The following RBM6 variants were observed in gnomAD, a reference collection of about 807,000 sequenced individuals.
The protein encoded by RBM6 is RNA binding motif protein 6.
A neutral mutation model predicts 140.4 loss-of-function variants in RBM6; 23 were observed. The observed-to-expected ratio is 0.16, with a 90% CI of 0.12 to 0.23. The LOEUF (loss-of-function observed/expected upper bound fraction) is 0.23. Ranked by LOEUF, RBM6 falls within the 10% of genes least tolerant of loss-of-function variation. The pLI is 1.00. For synonymous variants in RBM6, 439 were observed against 475.6 expected, an observed-to-expected ratio of 0.92 and a Z score of 1.00; for missense variants, 1,139 against 1,386.7, an observed-to-expected ratio of 0.82 and a Z score of 2.84.
At chr3:49,972,592 T>C (rs2084852247) in intron 4 of RBM6, among the ~76,000 whole-genome samples, 2 of 152,238 alleles carry the variant, frequency 1.3e-5, no homozygotes, top group Non-Finnish European at 1.5e-5. Context: ...GTGCTCGCTC[T>C]GTGCCAGGCA....
intron 8 of RBM6, 113 bp downstream of exon 8, chr3:50,054,508 CTT>C (rs373305597): frequency 0.017 from 11,920 of 697,914 alleles, no homozygotes; most frequent in East Asian, 0.022. Flanking sequence ...ATCTACAAAC[CTT>C]TTTTTTTTTT....
intron 6 of RBM6, among the ~76,000 whole-genome samples, chr3:50,010,911 A>AAT (rs1344984276): frequency 6.6e-6 from 1 of 151,088 alleles, no homozygotes; most frequent in African/African-American, 2.4e-5. Flanking sequence ...AAAAAAAAAA[A>AAT]AAAAAAAAAA....
chr3:50,029,028 A>G (rs1295538248), intron 6 of RBM6, among the ~76,000 whole-genome samples: 2 of 152,152 alleles, frequency 1.3e-5, no homozygotes, highest in African/African-American at 4.8e-5. Context: ...TGTTCATTTT[A>G]GCTTTCAAAT....
At chr3:50,051,903 A>C (rs2089482673) in intron 7 of RBM6, among the ~76,000 whole-genome samples, 1 of 152,210 alleles carries the variant, frequency 6.6e-6, no homozygotes, top group African/African-American at 2.4e-5. Flanking sequence ...AAGACCATAC[A>C]TTGCACAATT....
intron 19 of RBM6, among the ~76,000 whole-genome samples, chr3:50,072,417 A>AG (rs2090333492): frequency 1.3e-5 from 2 of 152,034 alleles, no homozygotes; most frequent in East Asian, 3.9e-4. Flanking sequence ...ATCAAAAAAA[A>AG]AAAAGAAAAG....
chr3:50,021,702 T>G (rs2108796076), intron 6 of RBM6, among the ~76,000 whole-genome samples: 1 of 150,438 alleles, frequency 6.6e-6, no homozygotes, highest in East Asian at 1.9e-4. Context: ...TTAAGAATCA[T>G]TTTGATATAT....
intron 5 of RBM6, among the ~76,000 whole-genome samples, chr3:49,993,278 A>G (rs1454435803): frequency 6.6e-6 from 1 of 152,216 alleles, no homozygotes; most frequent in African/African-American, 2.4e-5. Flanking sequence ...TAAAGCAAAA[A>G]ACAAACAAAT....
chr3:49,956,094 A>G (rs968426534), intron 1 of RBM6, among the ~76,000 whole-genome samples: 7 of 151,484 alleles, frequency 4.6e-5, no homozygotes, highest in African/African-American at 1.7e-4. Context: ...GCAGTGCCAC[A>G]ATCTCAGCTC....
At chr3:50,000,822 A>G (rs2108740418) in intron 6 of RBM6, among the ~76,000 whole-genome samples, 1 of 152,298 alleles carries the variant, frequency 6.6e-6, no homozygotes, top group South Asian at 2.1e-4. Context: ...TGTTTAACTC[A>G]GTGTGGCTCA....
chr3:50,058,018 A>C lies in RBM6; in HGVS notation c.1969+15A>C, dbSNP rs1256925922. 9 of 1,609,912 alleles carry C rather than the reference A, an allele frequency of 5.6e-6. No individual in the cohort carries two copies. The highest frequency in any genetic ancestry group is 7.6e-6 in the Non-Finnish European group (9 of 1,178,540). ...AGAGAGCAAAAGTAAGTAGTTTGTC[A>C]GGGCACATACCAGACTGTGATCATC... On this transcript the variant is annotated intron_variant, in intron 9 of 20. Coordinates refer to ENST00000266022, the MANE Select transcript of RBM6 (RefSeq NM_005777.3).
At chr3:50,047,267 G>A in intron 6 of RBM6, 1 of 985,272 alleles carries the variant, frequency 1.0e-6, no homozygotes, top group Non-Finnish European at 1.2e-6. Context: ...GAAACACAGA[G>A]GACCCTAGAG....
In RBM6 at chr3:50,077,184, T is replaced by A; in HGVS notation, c.*51T>A. 6.5e-7 allele frequency: 1 copy of A among 1,544,760 alleles called. No individual in the cohort carries two copies. On this transcript the variant is annotated 3_prime_UTR_variant, in exon 21 of 21. Transcript: ENST00000266022. ...CAACCTCCCTCTTGTTTTGTTTGTC[T>A]CTCCTTTTCTTTTGTTACTGTTCTT... is the stretch of plus-strand genomic sequence containing the variant.
intron 1 of RBM6, among the ~76,000 whole-genome samples, chr3:49,952,992 C>T (rs942387649): frequency 5.9e-5 from 9 of 152,198 alleles, no homozygotes; most frequent in African/African-American, 2.2e-4. Context: ...AAGTGATCCT[C>T]TGACCTTGGC....
At chr3:49,948,625 T>G (rs1382672560) in intron 1 of RBM6, among the ~76,000 whole-genome samples, 1 of 150,318 alleles carries the variant, frequency 6.7e-6, no homozygotes, top group Admixed American at 6.7e-5. Context: ...GGCAGGAGGA[T>G]CACTTGAACC....
chr3:50,074,209 CCTT>C (rs928200741), intron 19 of RBM6, among the ~76,000 whole-genome samples: 2 of 152,180 alleles, frequency 1.3e-5, no homozygotes, highest in Non-Finnish European at 2.9e-5. Context: ...CTTGTGTCCT[CCTT>C]TTCTCTTACA....
chr3:50,039,128 A>G (rs58095278), intron 6 of RBM6, among the ~76,000 whole-genome samples: 2,647 of 152,228 alleles, frequency 0.017, 95 homozygotes, highest in African/African-American at 0.061. Flanking sequence ...AGGTTATAGA[A>G]TTCTGAATTC....
chr3:49,985,707 C>T lies in RBM6; in HGVS notation c.1483+10315C>T, dbSNP rs140203228. Among the ~76,000 whole-genome samples, 926 of 150,868 alleles carry T rather than the reference C, an allele frequency of 6.1e-3. 10 individuals carry two copies. Among genetic ancestry groups the T allele is most frequent in the African/African-American group, 0.021 (872 of 41,090 alleles). On this transcript the variant is annotated intron_variant, in intron 5 of 20. Transcript: ENST00000266022. ...CTGCAACCTCCACCTCCCGGGTTCA[C>T]GCCATTCTCCTGCCTCAGCCTCCCG... is the stretch of plus-strand genomic sequence containing the variant.
rs1011061157 is a variant in RBM6, at chr3:50,062,769, C to A, written c.2586+661C>A. Among the ~76,000 whole-genome samples, 3 of 151,882 alleles carry A rather than the reference C, an allele frequency of 2.0e-5. No individual in the cohort carries two copies. The East Asian group carries it at 5.8e-4, about 29-fold the overall frequency. ...CACTTTTTATCCTAAGTATTTTTTCCATGTTTCTATATACTCTATTATTTT... is the reference window on the plus strand; with the variant it reads ...CACTTTTTATCCTAAGTATTTTTTCAATGTTTCTATATACTCTATTATTTT... On this transcript the variant is annotated intron_variant, in intron 15 of 20. Coordinates refer to ENST00000266022, the MANE Select transcript of RBM6 (RefSeq NM_005777.3).
At chr3:50,054,176 C>A in intron 7 of RBM6, 159 bp from the exon 8 acceptor site, 1 of 621,832 alleles carries the variant, frequency 1.6e-6, no homozygotes, top group Non-Finnish European at 2.8e-6. Context: ...TCCCATCTGC[C>A]AGCTCTAATC....
Sources: allele counts gnomAD v4.1 joint callset (sites outside exome capture counted in the v4.1 genomes callset), GRCh38; gene constraint gnomAD v4.1.1; transcripts MANE v1.5; gene names NCBI Gene and HGNC (gene_info 2026-07-23, HGNC 2026-07-21).